Variants in CPNE4 observed in about 807,000 individuals in gnomAD.
CPNE4 encodes the protein copine 4.
Under a neutral mutation model 67.9 loss-of-function variants are expected in CPNE4, and 25 were observed. The observed-to-expected ratio is 0.37, with a 90% confidence interval of 0.27 to 0.51. The LOEUF (loss-of-function observed/expected upper bound fraction) is 0.51. Ranked by LOEUF, CPNE4 falls within the 20% of genes least tolerant of loss-of-function variation. The pLI, the probability that CPNE4 is intolerant of heterozygous loss-of-function variation, is 0.93. For synonymous variants in CPNE4, 242 were observed against 244.9 expected (o/e 0.99, Z 0.11); for missense variants, 464 against 690.8 (o/e 0.67, Z 3.68).
intron 1 of CPNE4, among the ~76,000 whole-genome samples, chr3:131,914,416 C>T (rs2089104237): frequency 6.6e-6 from 1 of 152,068 alleles, no homozygotes; most frequent in Non-Finnish European, 1.5e-5. Flanking sequence ...CTCTCTGTCT[C>T]CTCCCCTTCT....
chr3:131,538,486 G>T (rs183409125), intron 15 of CPNE4, among the ~76,000 whole-genome samples: 99 of 152,194 alleles, frequency 6.5e-4, no homozygotes, highest in African/African-American at 2.2e-3. Context: ...AGTAATAAAA[G>T]CTTTATTTAT....
At chr3:131,636,911 G>A (rs1464518379) in intron 7 of CPNE4, among the ~76,000 whole-genome samples, 1 of 152,180 alleles carries the variant, frequency 6.6e-6, no homozygotes, top group Non-Finnish European at 1.5e-5. Flanking sequence ...CAGTAGCTCT[G>A]CTGGGTGGCT....
At chr3:131,952,466 G>A (rs1265614694) in intron 1 of CPNE4, among the ~76,000 whole-genome samples, 3 of 96,746 alleles carry the variant, frequency 3.1e-5, no homozygotes, top group African/African-American at 8.4e-5. Context: ...CGTCCGGGAG[G>A]GAGGTGGGGG....
chr3:131,768,872 G>A (rs1322496359), intron 2 of CPNE4, among the ~76,000 whole-genome samples: 3 of 152,102 alleles, frequency 2.0e-5, no homozygotes, highest in African/African-American at 7.2e-5. Flanking sequence ...AAAGTGATTT[G>A]CTTACTGAAG....
chr3:131,931,549 G>T lies in CPNE4; in HGVS notation c.-1-26105C>A, dbSNP rs961942400. ...TGGACCAAGGAAAGTTGTGCAATTA[G>T]GTATCCTTACCTAATTGCAATTATG... On this transcript the variant is annotated intron_variant, in intron 1 of 15. Coordinates refer to ENST00000429747, the MANE Select transcript of CPNE4 (RefSeq NM_130808.3). Among the ~76,000 whole-genome samples, 3 of 151,850 alleles carry T rather than the reference G, an allele frequency of 2.0e-5. No individual in the cohort carries two copies. The South Asian group carries it at 6.3e-4, about 32-fold the overall frequency.
chr3:131,865,915 T>C (rs2086925293), intron 2 of CPNE4, among the ~76,000 whole-genome samples: 1 of 152,196 alleles, frequency 6.6e-6, no homozygotes, highest in Non-Finnish European at 1.5e-5. Context: ...GACACTTCTA[T>C]GGGGAGCTGT....
chr3:132,023,835 A>C (rs16838330), intron 1 of CPNE4, among the ~76,000 whole-genome samples: 39 of 152,082 alleles, frequency 2.6e-4, no homozygotes, highest in African/African-American at 8.7e-4. Context: ...CATACAGGCT[A>C]AGGCTTAAAA....
chr3:131,952,175 C>G (rs1308354875), intron 1 of CPNE4, among the ~76,000 whole-genome samples: 8 of 150,624 alleles, frequency 5.3e-5, no homozygotes, highest in Non-Finnish European at 3.0e-5. Flanking sequence ...TCTGCCCGGC[C>G]GCCCATCGTC....
Position 131,708,957 on chromosome 3 carries a change from G to GATT in CPNE4, c.361-8978_361-8977insAAT, listed in dbSNP as rs1472179364. 3.1e-3 allele frequency among the ~76,000 whole-genome samples: 202 copies of GATT among 65,844 alleles called. 2 individuals are homozygous for GATT. Among genetic ancestry groups the GATT allele is most frequent in the African/African-American group, 8.8e-3 (189 of 21,580 alleles). The allele number at this position is 65,844 out of a possible 152,430, so 43.2% of individuals were successfully genotyped here. On this transcript the variant is annotated intron_variant, in intron 3 of 15. Transcript: ENST00000429747. ...AAAAATCAGTGTCTGAGGGCATAAA[G>GATT]ATATATATATATATATATATATATA...
At chr3:131,854,798 C>G (rs969037413) in intron 2 of CPNE4, among the ~76,000 whole-genome samples, 1 of 150,938 alleles carries the variant, frequency 6.6e-6, no homozygotes, top group African/African-American at 2.4e-5. Flanking sequence ...ACTCCCCACC[C>G]TCCTCCTCCT....
At chr3:131,694,785 C>A (rs1379654382) in intron 5 of CPNE4, among the ~76,000 whole-genome samples, 1 of 152,128 alleles carries the variant, frequency 6.6e-6, no homozygotes, top group Non-Finnish European at 1.5e-5. Context: ...AGTGTAGAAC[C>A]TCCAGACAAG....
intron 2 of CPNE4, among the ~76,000 whole-genome samples, chr3:131,858,803 C>A (rs1002436899): frequency 3.3e-5 from 5 of 152,094 alleles, no homozygotes; most frequent in African/African-American, 1.2e-4. Context: ...TACAAATCAC[C>A]AAAATCAATC....
chr3:131,902,620 T>C lies in CPNE4; in HGVS notation c.180+2644A>G, dbSNP rs542502334. ...CAATGTGAGGAAAAGCACATACTAC[T>C]AAGCAATAAAATTAGGAAAGAAAAT... On this transcript the variant is annotated intron_variant, in intron 2 of 15. Transcript: ENST00000429747. Among the ~76,000 whole-genome samples the C allele has an allele frequency of 1.1e-4, 16 of 152,220 alleles. No homozygotes were observed. The East Asian group carries it at 3.1e-3, about 29-fold the overall frequency.
intron 3 of CPNE4, among the ~76,000 whole-genome samples, chr3:131,716,678 G>A (rs537187592): frequency 2.3e-4 from 35 of 152,144 alleles, no homozygotes; most frequent in Non-Finnish European, 4.7e-4. Context: ...TCCCCATCCC[G>A]AGTGCTCCCT....
At chr3:132,032,551 T>C (rs759394468) in intron 1 of CPNE4, among the ~76,000 whole-genome samples, 1 of 152,246 alleles carries the variant, frequency 6.6e-6, no homozygotes, top group African/African-American at 2.4e-5. Context: ...AATCTTCCCA[T>C]GAGAGATAGT....
chr3:131,824,720 A>G (rs938256591), intron 2 of CPNE4, among the ~76,000 whole-genome samples: 2 of 152,182 alleles, frequency 1.3e-5, no homozygotes, highest in African/African-American at 2.4e-5. Flanking sequence ...GTTGTTTTGT[A>G]TGAATCTGAA....
At chr3:131,987,810 G>C (rs1450500490) in intron 1 of CPNE4, among the ~76,000 whole-genome samples, 1 of 152,192 alleles carries the variant, frequency 6.6e-6, no homozygotes, top group African/African-American at 2.4e-5. Flanking sequence ...AAGCAATTCT[G>C]ATGCTCGATA....
chr3:131,625,308 T>C (rs1450143984), intron 7 of CPNE4, among the ~76,000 whole-genome samples: 2 of 152,220 alleles, frequency 1.3e-5, no homozygotes, highest in Non-Finnish European at 2.9e-5. Flanking sequence ...TTATTAGGCC[T>C]CTATTATGTA....
At chr3:131,606,369 C>G (rs761228224) in intron 7 of CPNE4, among the ~76,000 whole-genome samples, 2 of 152,146 alleles carry the variant, frequency 1.3e-5, no homozygotes, top group African/African-American at 4.8e-5. Context: ...AAATTAGCTA[C>G]TCCTAACCAA....
Sources: gnomAD v4.1 joint callset for allele counts (sites outside exome capture counted in the v4.1 genomes callset) on GRCh38, gnomAD v4.1.1 for gene constraint, MANE v1.5 for transcripts, NCBI Gene and HGNC (gene_info 2026-07-23, HGNC 2026-07-21) for gene names.